Variants in ARHGAP22 observed in about 807,000 individuals in gnomAD.
The protein encoded by ARHGAP22 is rho GTPase-activating protein 22.
In ARHGAP22, 48 loss-of-function variants were observed where a neutral mutation model predicts 59.1. That is an observed-to-expected ratio of 0.81 (90% CI 0.64 to 1.03). The LOEUF (loss-of-function observed/expected upper bound fraction) is 1.03, where lower values mean the gene tolerates loss of function less well. Among genes scored for constraint, ARHGAP22 ranks in the 50% least tolerant of loss-of-function variants. The pLI is 0.00. For synonymous variants in ARHGAP22, 445 were observed against 416.4 expected (o/e 1.07, Z -0.84); for missense variants, 1,015 against 958.7 (o/e 1.06, Z -0.78).
At chr10:48,465,939 C>G (rs1216889429) in intron 4 of ARHGAP22, among the ~76,000 whole-genome samples, 2 of 152,194 alleles carry the variant, frequency 1.3e-5, no homozygotes, top group South Asian at 2.1e-4. Context: ...AACTCTGTCA[C>G]TTCCAGGCTC....
intron 1 of ARHGAP22, among the ~76,000 whole-genome samples, chr10:48,627,370 C>A (rs772312028): frequency 9.2e-5 from 14 of 152,168 alleles, no homozygotes; most frequent in Non-Finnish European, 1.9e-4. Flanking sequence ...GGAGCCCTAA[C>A]CAGTGTGGTC....
At chr10:48,607,866 T>C (rs1224029637), upstream of ARHGAP22, among the ~76,000 whole-genome samples, 1 of 152,228 alleles carries the variant, frequency 6.6e-6, no homozygotes, top group Admixed American at 6.5e-5. Context: ...GAGCACTGAA[T>C]GGACAGAAGT....
intron 1 of ARHGAP22, among the ~76,000 whole-genome samples, chr10:48,630,734 T>C (rs2061602261): frequency 6.6e-6 from 1 of 152,196 alleles, no homozygotes; most frequent in Non-Finnish European, 1.5e-5. Context: ...CTGTCTTCTG[T>C]GAAAAAAGGC....
At chr10:48,594,862 A>G (rs115397343) in intron 1 of ARHGAP22, among the ~76,000 whole-genome samples, 14 of 151,602 alleles carry the variant, frequency 9.2e-5, no homozygotes, top group African/African-American at 3.1e-4. Flanking sequence ...GACTTTGCTC[A>G]TGTCCTGCTT....
rs982452868 is a variant in ARHGAP22, at chr10:48,584,721, G to A, written c.35-1569C>T. 5.3e-5 allele frequency among the ~76,000 whole-genome samples: 8 copies of A among 152,310 alleles called. No homozygotes were observed. In the East Asian group the frequency reaches 5.8e-4, roughly 11 times the overall value. On this transcript the variant is annotated intron_variant, in intron 1 of 9. Coordinates refer to ENST00000249601, the MANE Select transcript of ARHGAP22 (RefSeq NM_021226.4). ...AAATATTACATAGTACTGGCTGGGC[G>A]CGGTGGCTCACGCCTGTAATCCCAG...
intron 1 of ARHGAP22, among the ~76,000 whole-genome samples, chr10:48,636,155 C>G (rs1453958423): frequency 6.6e-6 from 1 of 152,160 alleles, no homozygotes; most frequent in Non-Finnish European, 1.5e-5. Flanking sequence ...CCTGGAGAGG[C>G]TTGGGGGTTA....
intron 6 of ARHGAP22, among the ~76,000 whole-genome samples, chr10:48,454,714 A>T (rs1206823161): frequency 6.6e-6 from 1 of 152,182 alleles, no homozygotes; most frequent in African/African-American, 2.4e-5. Context: ...CTGGTGTGAC[A>T]GCCAGAGCTG....
intron 3 of ARHGAP22, among the ~76,000 whole-genome samples, chr10:48,549,447 C>T (rs984166624): frequency 4.6e-5 from 7 of 152,152 alleles, no homozygotes; most frequent in African/African-American, 1.7e-4. Context: ...AGCCTGCTTT[C>T]CTGGTGGCAC....
At chr10:48,628,558 C>A (rs1307631442) in intron 1 of ARHGAP22, among the ~76,000 whole-genome samples, 4 of 152,106 alleles carry the variant, frequency 2.6e-5, no homozygotes, top group African/African-American at 9.7e-5. Flanking sequence ...GTTGGCTCTA[C>A]CCTACCACCT....
Position 48,451,157 on chromosome 10 carries a change from C to T in ARHGAP22, c.989-17G>A, listed in dbSNP as rs1472209736. 4.5e-6 allele frequency: 7 copies of T among 1,550,614 alleles called. No homozygotes were observed. The East Asian group carries it at 7.3e-5, about 16-fold the overall frequency. ...GGGAAGTGCCTGCCGGGAAGAGAGG[C>T]GGAGAAGGGCCTTGCTGCCAGCCAC... is the stretch of plus-strand genomic sequence containing the variant. On this transcript the variant is annotated splice_polypyrimidine_tract_variant and intron_variant, in intron 8 of 9. Transcript: ENST00000249601.
chr10:48,547,800 G>A (rs1564857098), intron 3 of ARHGAP22, among the ~76,000 whole-genome samples: 1 of 152,234 alleles, frequency 6.6e-6, no homozygotes, highest in Admixed American at 6.5e-5. Context: ...TGTTGAAAAG[G>A]CATCCCGTCC....
chr10:48,608,156 T>C (rs545498353), upstream of ARHGAP22, among the ~76,000 whole-genome samples: 2 of 152,140 alleles, frequency 1.3e-5, no homozygotes, highest in Non-Finnish European at 2.9e-5. Context: ...ACATGGGGTG[T>C]TTGCTGGCTG....
Position 48,604,643 on chromosome 10 carries a change from G to T in ARHGAP22, c.34+120C>A, listed in dbSNP as rs183888420. Reference sequence around the variant, plus strand: ...TCAGGAGGATGCTCACTATTCAGCGGCAATGGTCCCAGAACGCCCGCCCCA... The same window carrying T: ...TCAGGAGGATGCTCACTATTCAGCGTCAATGGTCCCAGAACGCCCGCCCCA... On this transcript the variant is annotated intron_variant, in intron 1 of 9. Transcript: ENST00000249601. 194 of 1,496,006 alleles carry T rather than the reference G, an allele frequency of 1.3e-4. 2 individuals are homozygous for T. In the Middle Eastern group the frequency reaches 2.2e-3, roughly 17 times the overall value. The allele number at this position is 1,496,006 out of a possible 1,614,324, so 92.7% of individuals were successfully genotyped here.
chr10:48,611,467 C>G (rs1332561183), intron 1 of ARHGAP22, among the ~76,000 whole-genome samples: 1 of 152,170 alleles, frequency 6.6e-6, no homozygotes, highest in Non-Finnish European at 1.5e-5. Flanking sequence ...AAGGCAACCC[C>G]TGCCCTTCCC....
chr10:48,656,265 TGGGGGGGGGGGGGCGG>T (rs551044417), upstream of ARHGAP22: 133 of 101,644 alleles, frequency 1.3e-3, 10 homozygotes, highest in East Asian at 5.8e-3. Context: ...TCGGCGCCTC[TGGGGGGGGGGGGGCGG>T]GGGGGGGGGA....
At chr10:48,519,550 C>G (rs1212860274) in intron 3 of ARHGAP22, among the ~76,000 whole-genome samples, 1 of 152,236 alleles carries the variant, frequency 6.6e-6, no homozygotes, top group Non-Finnish European at 1.5e-5. Flanking sequence ...ACACTCTGCT[C>G]TTGCTACTGT....
intron 1 of ARHGAP22, among the ~76,000 whole-genome samples, chr10:48,630,570 G>C (rs779745658): frequency 6.6e-6 from 1 of 152,030 alleles, no homozygotes; most frequent in East Asian, 1.9e-4. Flanking sequence ...AAATGGTATC[G>C]TGCTTTTATT....
chr10:48,453,796 C>T (rs374755665), intron 7 of ARHGAP22, among the ~76,000 whole-genome samples: 101 of 152,238 alleles, frequency 6.6e-4, no homozygotes, highest in African/African-American at 2.3e-3. Context: ...GGGCAGATGC[C>T]GGGGGGACAG....
intron 2 of ARHGAP22, among the ~76,000 whole-genome samples, chr10:48,574,270 A>T (rs963142192): frequency 6.6e-6 from 1 of 152,214 alleles, no homozygotes; most frequent in Admixed American, 6.5e-5. Flanking sequence ...TCAAGTAAGC[A>T]CCCAATATTA....
Sources: allele counts gnomAD v4.1 joint callset (sites outside exome capture counted in the v4.1 genomes callset), GRCh38; gene constraint gnomAD v4.1.1; transcripts MANE v1.5; gene names NCBI Gene and HGNC (gene_info 2026-07-23, HGNC 2026-07-21).